Variants in ABR observed in about 807,000 individuals in gnomAD.
The protein encoded by ABR is active breakpoint cluster region-related protein.
In ABR, 35 loss-of-function variants were observed where a neutral mutation model predicts 107.2. The observed-to-expected ratio is 0.33, with a 90% CI of 0.25 to 0.43. The LOEUF (loss-of-function observed/expected upper bound fraction) is 0.43. Ranked by LOEUF, ABR falls within the 20% of genes least tolerant of loss-of-function variation. The pLI, the probability that ABR is intolerant of heterozygous loss-of-function variation, is 1.00. For missense variants in ABR, 815 were observed against 1,115.2 expected, an observed-to-expected ratio of 0.73 and a Z score of 3.83; for synonymous variants, 498 against 462.0, an observed-to-expected ratio of 1.08 and a Z score of -1.00.
At chr17:1,068,906 T>C (rs2034982676) in intron 9 of ABR, among the ~76,000 whole-genome samples, 1 of 152,248 alleles carries the variant, frequency 6.6e-6, no homozygotes, top group Admixed American at 6.5e-5. Flanking sequence ...CTAGAAATCA[T>C]GTATTCAAAG....
chr17:1,066,054 T>G (rs1009955908), intron 10 of ABR, among the ~76,000 whole-genome samples: 1 of 152,138 alleles, frequency 6.6e-6, no homozygotes, highest in Non-Finnish European at 1.5e-5. Context: ...TAATTTTGTA[T>G]TTTTAGTAGA....
intron 1 of ABR, among the ~76,000 whole-genome samples, chr17:1,144,838 G>A (rs932181426): frequency 2.0e-5 from 3 of 152,240 alleles, no homozygotes; most frequent in Non-Finnish European, 4.4e-5. Context: ...AGACCAACAT[G>A]GTGAAACCCT....
intron 10 of ABR, among the ~76,000 whole-genome samples, chr17:1,061,728 A>G (rs956865568): frequency 1.3e-5 from 2 of 151,896 alleles, no homozygotes; most frequent in East Asian, 1.9e-4. Flanking sequence ...TGTATTTTTC[A>G]TAGAGACGGG....
rs1481241214 is a variant in ABR, at chr17:1,006,109, T to A, written c.2551A>T (p.Asn851Tyr). Residue 851 changes from asparagine (N) to tyrosine (Y), a missense_variant, in exon 23 of 23, where the codon AAC becomes TAC. By Grantham distance (143) the Asn-to-Tyr change is moderately radical. Around this residue, in one of 5 missense-constraint regions of ABR, gnomAD observed 34 missense variants for 26.8 expected, o/e 1.27. Transcript: ENST00000302538. ...ACGTCGGTGGAGAAGTACAGTGTGT[T>A]CCGCTTGAGTTCTGCGAAGGAAATG... ...PPISFAELKR[N>Y]TLYFSTDV 1 of 1,581,792 alleles carries A rather than the reference T, an allele frequency of 6.3e-7. No homozygotes were observed.
At chr17:1,223,380 T>C (rs2043155481) in intron 1 of ABR, among the ~76,000 whole-genome samples, 1 of 151,850 alleles carries the variant, frequency 6.6e-6, no homozygotes, top group South Asian at 2.1e-4. Context: ...TGCTACACTC[T>C]TTAATTATTC....
intron 2 of ABR, among the ~76,000 whole-genome samples, chr17:1,109,618 C>T (rs1372004525): frequency 6.6e-6 from 1 of 152,028 alleles, no homozygotes; most frequent in African/African-American, 2.4e-5. Context: ...GCCAGGAGCC[C>T]GGCGAGCAGG....
intron 2 of ABR, among the ~76,000 whole-genome samples, chr17:1,104,035 C>G (rs920888978): frequency 6.6e-6 from 1 of 151,040 alleles, no homozygotes; most frequent in Non-Finnish European, 1.5e-5. Context: ...ACTGGGAATA[C>G]GAAGGTGAAG....
intron 2 of ABR, among the ~76,000 whole-genome samples, chr17:1,107,442 C>T (rs1355899110): frequency 2.0e-5 from 3 of 152,220 alleles, no homozygotes; most frequent in South Asian, 2.1e-4. Flanking sequence ...GATATAATTG[C>T]GGAGGCAAAT....
intron 16 of ABR, among the ~76,000 whole-genome samples, chr17:1,029,387 T>C (rs2072523104): frequency 6.6e-6 from 1 of 152,112 alleles, no homozygotes; most frequent in Non-Finnish European, 1.5e-5. Flanking sequence ...CCCTGCACTA[T>C]TTAAAGGCTC....
upstream of ABR, among the ~76,000 whole-genome samples, chr17:1,190,827 A>C (rs1384786515): frequency 6.6e-6 from 1 of 152,242 alleles, no homozygotes; most frequent in African/African-American, 2.4e-5. Context: ...GCTGCAGGCG[A>C]AGCTGTGAGT....
intron 16 of ABR, among the ~76,000 whole-genome samples, chr17:1,030,906 T>A (rs2150907131): frequency 6.6e-6 from 1 of 152,348 alleles, no homozygotes; most frequent in Admixed American, 6.5e-5. Flanking sequence ...TGGGTCTGGC[T>A]CTTCCTCACG....
At chr17:1,199,165 C>T (rs2150713507) in intron 1 of ABR, among the ~76,000 whole-genome samples, 1 of 150,664 alleles carries the variant, frequency 6.6e-6, no homozygotes, top group South Asian at 2.1e-4. Context: ...CGGGAGTGGT[C>T]AGGGTCACGA....
chr17:1,184,116 CA>C (rs1470982891), upstream of ABR, among the ~76,000 whole-genome samples: 1 of 151,464 alleles, frequency 6.6e-6, no homozygotes, highest in Non-Finnish European at 1.5e-5. Flanking sequence ...GAGATCCTGT[CA>C]CTGCACTCCA....
intron 2 of ABR, among the ~76,000 whole-genome samples, chr17:1,117,992 C>G (rs2039114739): frequency 1.0e-5 from 1 of 96,520 alleles, no homozygotes. Flanking sequence ...TGAGTTCCTC[C>G]CAGCGTTATC....
At chr17:1,218,018 C>T (rs749176929) in intron 1 of ABR, among the ~76,000 whole-genome samples, 5 of 152,100 alleles carry the variant, frequency 3.3e-5, no homozygotes, top group Admixed American at 1.3e-4. Flanking sequence ...TTAGTGGAGA[C>T]GGGGTTTCAC....
chr17:1,072,889 A>C, intron 7 of ABR, 135 bp from the exon 8 acceptor site: 4 of 1,226,624 alleles, frequency 3.3e-6, no homozygotes, highest in Non-Finnish European at 3.3e-6. Flanking sequence ...TGAACTACAA[A>C]TCAGAGTCAG....
chr17:1,015,487 G>C lies in ABR; in HGVS notation c.1792-2323C>G, dbSNP rs139073136. The stretch of plus-strand genomic sequence containing the variant: ...ATTTATTTTTTTGAGACAGAGTTTC[G>C]CTCTTATTGTCCAGGCCGGAGTGCA... On this transcript the variant is annotated intron_variant, in intron 16 of 22. Coordinates refer to ENST00000302538, the MANE Select transcript of ABR (RefSeq NM_021962.5). Among the ~76,000 whole-genome samples the C allele has an allele frequency of 2.5e-3, 383 of 150,676 alleles. 1 individual carries two copies. Among genetic ancestry groups the C allele is most frequent in the African/African-American group, 8.9e-3 (365 of 41,014 alleles).
intron 1 of ABR, among the ~76,000 whole-genome samples, chr17:1,211,949 G>C (rs1048142855): frequency 1.3e-5 from 2 of 151,974 alleles, no homozygotes; most frequent in Non-Finnish European, 2.9e-5. Flanking sequence ...TGGTGTGGTG[G>C]CACAAGCCTG....
At chr17:1,064,598 G>A (rs2034478570) in intron 10 of ABR, among the ~76,000 whole-genome samples, 1 of 118,686 alleles carries the variant, frequency 8.4e-6, no homozygotes, top group South Asian at 3.2e-4. Flanking sequence ...TGTGAACTGA[G>A]GGCTATGTAT....
Sources: allele counts gnomAD v4.1 joint callset (sites outside exome capture counted in the v4.1 genomes callset), GRCh38; gene constraint gnomAD v4.1.1; regional missense constraint gnomAD v4.1.1; transcripts MANE v1.5; gene names NCBI Gene and HGNC (gene_info 2026-07-23, HGNC 2026-07-21).